EFNA5: variants seen among roughly 807,000 people sequenced by gnomAD.
EFNA5 encodes the protein ephrin-A5.
A neutral mutation model predicts 22.9 loss-of-function variants in EFNA5; 5 were observed. The observed-to-expected ratio is 0.22, with a 90% CI of 0.11 to 0.46. The LOEUF (loss-of-function observed/expected upper bound fraction) is 0.46. EFNA5 is among the 20% of genes least tolerant of loss of function. The probability of loss-of-function intolerance (pLI) is 0.99; values close to 1 mark genes in which losing one functional copy is unlikely to be tolerated. For synonymous variants in EFNA5, 113 were observed against 112.2 expected (o/e 1.01, Z -0.04); for missense variants, 237 against 293.3 (o/e 0.81, Z 1.40).
At chr5:107,514,592 G>A (rs1747437724) in intron 1 of EFNA5, among the ~76,000 whole-genome samples, 1 of 152,072 alleles carries the variant, frequency 6.6e-6, no homozygotes, top group African/African-American at 2.4e-5. Flanking sequence ...TCTGCCAGAA[G>A]GAACCATCAA....
At chr5:107,556,751 TAAAA>T (rs34235156) in intron 1 of EFNA5, among the ~76,000 whole-genome samples, 2 of 115,450 alleles carry the variant, frequency 1.7e-5, no homozygotes, top group South Asian at 3.0e-4. Flanking sequence ...CATCTCAAAA[TAAAA>T]ATAAATAAAT....
intron 1 of EFNA5, among the ~76,000 whole-genome samples, chr5:107,490,119 T>C (rs567664940): frequency 6.6e-6 from 1 of 152,286 alleles, no homozygotes; most frequent in Admixed American, 6.5e-5. Flanking sequence ...ATTCTAGGAT[T>C]ATGTTATTCC....
chr5:107,568,207 C>A (rs1481494619), intron 1 of EFNA5, among the ~76,000 whole-genome samples: 1 of 152,116 alleles, frequency 6.6e-6, no homozygotes, highest in Non-Finnish European at 1.5e-5. Context: ...TATATTCAAG[C>A]TTTATACAAA....
chr5:107,579,573 C>A (rs957662), intron 1 of EFNA5, among the ~76,000 whole-genome samples: 1 of 151,720 alleles, frequency 6.6e-6, no homozygotes, highest in African/African-American at 2.4e-5. Context: ...TGAATAAAAT[C>A]ATTCCATACC....
At chr5:107,532,940 C>T (rs1747848126) in intron 1 of EFNA5, among the ~76,000 whole-genome samples, 1 of 152,214 alleles carries the variant, frequency 6.6e-6, no homozygotes, top group Admixed American at 6.5e-5. Context: ...AGGTTGTCTG[C>T]TTTGTGCACA....
At chr5:107,638,146 C>T (rs1009858491) in intron 1 of EFNA5, among the ~76,000 whole-genome samples, 1 of 152,072 alleles carries the variant, frequency 6.6e-6, no homozygotes, top group African/African-American at 2.4e-5. Context: ...AGCCATCGTG[C>T]CCGGCCAACA....
chr5:107,386,302 A>G (rs565684957), intron 4 of EFNA5, among the ~76,000 whole-genome samples: 30 of 152,244 alleles, frequency 2.0e-4, no homozygotes, highest in Non-Finnish European at 2.4e-4. Context: ...CGGGGAGAAG[A>G]GGACACCACA....
At chr5:107,501,298 C>T (rs1747128554) in intron 1 of EFNA5, among the ~76,000 whole-genome samples, 1 of 152,104 alleles carries the variant, frequency 6.6e-6, no homozygotes, top group South Asian at 2.1e-4. Flanking sequence ...ACCTCCTGCA[C>T]AACACAACAT....
intron 1 of EFNA5, among the ~76,000 whole-genome samples, chr5:107,630,572 C>T (rs753962207): frequency 2.0e-5 from 3 of 151,938 alleles, no homozygotes; most frequent in Admixed American, 6.6e-5. Flanking sequence ...AAGTTGCTCT[C>T]GGTGAGTCGG....
chr5:107,564,016 A>C (rs1258858739), intron 1 of EFNA5, among the ~76,000 whole-genome samples: 1 of 152,020 alleles, frequency 6.6e-6, no homozygotes, highest in East Asian at 1.9e-4. Context: ...TCCCTCCCTC[A>C]GTCAAAGTGG....
intron 1 of EFNA5, among the ~76,000 whole-genome samples, chr5:107,497,551 A>T (rs1427934487): frequency 3.3e-5 from 5 of 152,238 alleles, no homozygotes; most frequent in Non-Finnish European, 7.3e-5. Flanking sequence ...AAAGTTCTAA[A>T]GAAGGCATAA....
intron 2 of EFNA5, among the ~76,000 whole-genome samples, chr5:107,397,566 G>T (rs1386546389): frequency 6.6e-6 from 1 of 151,798 alleles, no homozygotes; most frequent in African/African-American, 2.4e-5. Context: ...AAAGGGTGGG[G>T]GTAATTATCT....
chr5:107,620,089 T>C (rs1475889656), intron 1 of EFNA5, among the ~76,000 whole-genome samples: 2 of 152,214 alleles, frequency 1.3e-5, no homozygotes, highest in African/African-American at 4.8e-5. Context: ...AGACACTTCC[T>C]TCCAAGCCCT....
At chr5:107,443,588 T>A (rs1239455144) in intron 1 of EFNA5, among the ~76,000 whole-genome samples, 1 of 152,148 alleles carries the variant, frequency 6.6e-6, no homozygotes, top group African/African-American at 2.4e-5. Context: ...TCTGAAAAAT[T>A]CTTCTTGCCA....
chr5:107,665,788 C>T (rs1056150073), intron 1 of EFNA5, among the ~76,000 whole-genome samples: 13 of 152,098 alleles, frequency 8.5e-5, no homozygotes, highest in Admixed American at 7.9e-4. Context: ...CACCAAAAAA[C>T]AGGAATCATA....
intron 1 of EFNA5, among the ~76,000 whole-genome samples, chr5:107,569,515 ATG>A (rs1294530680): frequency 7.4e-6 from 1 of 135,498 alleles, no homozygotes; most frequent in East Asian, 2.1e-4. Flanking sequence ...ATATTTATAT[ATG>A]TGTGTATATA....
At chr5:107,550,059 C>T (rs1413839408) in intron 1 of EFNA5, among the ~76,000 whole-genome samples, 3 of 152,198 alleles carry the variant, frequency 2.0e-5, no homozygotes, top group Non-Finnish European at 4.4e-5. Flanking sequence ...ATAGGGTCTT[C>T]TTAGAAAAGA....
chr5:107,658,929 G>C (rs1263887942), intron 1 of EFNA5, among the ~76,000 whole-genome samples: 1 of 152,108 alleles, frequency 6.6e-6, no homozygotes, highest in Non-Finnish European at 1.5e-5. Flanking sequence ...AGTATCTCCA[G>C]TACTGAGAAC....
At chr5:107,613,123 T>C (rs1749854914) in intron 1 of EFNA5, among the ~76,000 whole-genome samples, 2 of 152,108 alleles carry the variant, frequency 1.3e-5, no homozygotes, top group South Asian at 4.1e-4. Flanking sequence ...AGGAAAACCT[T>C]GGGAAAGGCT....
Sources: allele counts gnomAD v4.1 joint callset (sites outside exome capture counted in the v4.1 genomes callset), GRCh38; gene constraint gnomAD v4.1.1; transcripts MANE v1.5; gene names NCBI Gene and HGNC (gene_info 2026-07-23, HGNC 2026-07-21).